Variants in SLC22A3 observed in about 807,000 individuals in gnomAD.
SLC22A3 encodes the protein EMT organic cation transporter 3.
Under a neutral mutation model 59.1 loss-of-function variants are expected in SLC22A3, and 51 were observed. The observed-to-expected ratio is 0.86, with a 90% confidence interval of 0.69 to 1.09. The LOEUF is 1.09. SLC22A3 is among the 50% of genes least tolerant of loss of function. SLC22A3 has a pLI of 0.00. For synonymous variants in SLC22A3, 325 were observed against 292.0 expected (o/e 1.11, Z -1.15); for missense variants, 711 against 726.3 (o/e 0.98, Z 0.24).
At chr6:160,358,261 G>A (rs771058028) in intron 1 of SLC22A3, among the ~76,000 whole-genome samples, 15 of 152,176 alleles carry the variant, frequency 9.9e-5, no homozygotes, top group Non-Finnish European at 2.1e-4. Context: ...GCCCAGTCCT[G>A]AGATTTCCTG....
In SLC22A3 at chr6:160,349,139, G is replaced by A. The variant is rs1301810094; in HGVS notation, c.429+291G>A. Reference sequence around the variant, plus strand: ...GCCGAGTTGTAAACGCCTGGCGCACGCCTGCTCAGGAGTCAAAGACCCAGC... The same window carrying A: ...GCCGAGTTGTAAACGCCTGGCGCACACCTGCTCAGGAGTCAAAGACCCAGC... On this transcript the variant is annotated intron_variant, in intron 1 of 10. Coordinates refer to ENST00000275300, the MANE Select transcript of SLC22A3 (RefSeq NM_021977.4). 6 of 898,442 alleles carry A rather than the reference G, an allele frequency of 6.7e-6. No homozygotes were observed. In the East Asian group the frequency reaches 5.9e-4, roughly 89 times the overall value. The allele number at this position is 898,442 out of a possible 1,614,324, so 55.7% of individuals were successfully genotyped here.
Position 160,443,760 on chromosome 6 carries a change from A to C in SLC22A3, c.1510+18A>C. On this transcript the variant is annotated intron_variant, in intron 9 of 10. Transcript: ENST00000275300. ...CATCTTTGGTAAGAACTCATTTGCT[A>C]TTCTTAAGAGCCTTCATCTACATTC... The C allele has an allele frequency of 6.7e-7, 1 of 1,484,582 alleles. No individual in the cohort carries two copies. Among genetic ancestry groups the C allele is most frequent in the Non-Finnish European group, 9.3e-7 (1 of 1,072,850 alleles). The allele number at this position is 1,484,582 out of a possible 1,614,324, so 92.0% of individuals were successfully genotyped here.
At position 160,447,732 on chromosome 6, in the gene SLC22A3, C is replaced by T. The variant is rs762127409; in HGVS notation, c.1524C>T (p.Ser508=). ...CCTATTCCATAGGTATCCTGGCATC[C>T]ATCTGTGGTGGCCTTGTGATGCTTT... ...LPLIIFGILA[S]ICGGLVMLLP... Residue 508 remains serine, a synonymous_variant, in exon 10 of 11, where the codon TCC becomes TCT. Transcript: ENST00000275300. 2 of 1,613,946 alleles carry T rather than the reference C, an allele frequency of 1.2e-6. No individual in the cohort carries two copies. Among genetic ancestry groups the T allele is most frequent in the Admixed American group, 3.3e-5 (2 of 60,016 alleles).
intron 1 of SLC22A3, among the ~76,000 whole-genome samples, chr6:160,369,847 C>T (rs1413440883): frequency 2.0e-5 from 3 of 152,114 alleles, no homozygotes; most frequent in Non-Finnish European, 4.4e-5. Context: ...TCATGAATGC[C>T]GAACAGGCAC....
At chr6:160,447,965 A>G (rs1788809308) in intron 10 of SLC22A3, 147 bp downstream of exon 10, 1 of 717,000 alleles carries the variant, frequency 1.4e-6, no homozygotes, top group Non-Finnish European at 2.4e-6. Flanking sequence ...TTCAAAGTAG[A>G]TACAAAAGGT....
At chr6:160,428,041 T>C (rs1788025938) in intron 5 of SLC22A3, among the ~76,000 whole-genome samples, 1 of 152,182 alleles carries the variant, frequency 6.6e-6, no homozygotes, top group African/African-American at 2.4e-5. Context: ...TCTCTTCTTT[T>C]TTCCTTTCTC....
intron 5 of SLC22A3, among the ~76,000 whole-genome samples, chr6:160,411,887 T>C (rs1451364365): frequency 6.6e-6 from 1 of 152,198 alleles, no homozygotes; most frequent in East Asian, 1.9e-4. Flanking sequence ...AATATGATGA[T>C]GTTTTAGCTC....
chr6:160,411,768 G>A (rs1455155851), intron 5 of SLC22A3, among the ~76,000 whole-genome samples: 1 of 152,020 alleles, frequency 6.6e-6, no homozygotes, highest in Non-Finnish European at 1.5e-5. Context: ...AAAATGAAAT[G>A]GGACAAAAAT....
intron 1 of SLC22A3, among the ~76,000 whole-genome samples, chr6:160,386,728 C>T (rs1322887312): frequency 1.3e-5 from 2 of 152,216 alleles, no homozygotes; most frequent in Non-Finnish European, 2.9e-5. Flanking sequence ...GGCACCTGCT[C>T]TCCAAGAAGG....
intron 5 of SLC22A3, among the ~76,000 whole-genome samples, chr6:160,425,561 ATAGGTCTTTATTTAAC>A (rs1787918846): frequency 6.6e-6 from 1 of 152,112 alleles, no homozygotes; most frequent in South Asian, 2.1e-4. Context: ...CCTCCCAATA[ATAGGTCTTTATTTAAC>A]TATACTTATT....
intron 10 of SLC22A3, among the ~76,000 whole-genome samples, chr6:160,449,285 G>A (rs1241614552): frequency 6.6e-6 from 1 of 152,026 alleles, no homozygotes; most frequent in Admixed American, 6.6e-5. Context: ...GGTGTGCAAG[G>A]AAAATCAATA....
intron 5 of SLC22A3, chr6:160,426,005 G>T (rs552787576): frequency 1.0e-6 from 1 of 985,370 alleles, no homozygotes; most frequent in South Asian, 4.7e-5. Flanking sequence ...GCCTTAAGCC[G>T]CACAAAGGAC....
chr6:160,409,830 A>C (rs1233532385), intron 4 of SLC22A3, among the ~76,000 whole-genome samples: 1 of 152,218 alleles, frequency 6.6e-6, no homozygotes, highest in Non-Finnish European at 1.5e-5. Flanking sequence ...AGCTTCATGA[A>C]AACTATAAAG....
chr6:160,357,087 G>A (rs958444848), intron 1 of SLC22A3, among the ~76,000 whole-genome samples: 1 of 152,214 alleles, frequency 6.6e-6, no homozygotes, highest in African/African-American at 2.4e-5. Context: ...AGTCCAAGGA[G>A]GGGAGCTGTC....
rs1376311820 is a variant in SLC22A3 at position 160,348,840 on chromosome 6, G to A, written c.421G>A (p.Val141Ile). ...WRYAQAHSTI[V>I]SEFDLVCVNA... ...CTACGCCCAGGCCCACTCCACCATC[G>A]TCAGCGAGGTAAGGGCGCCCCGGCC... Residue 141 changes from valine (V) to isoleucine (I), a missense_variant, in exon 1 of 11, where the codon GTC (valine) becomes ATC (isoleucine). By Grantham distance (29) the Val-to-Ile change is conservative. Transcript: ENST00000275300. 1.3e-6 allele frequency: 2 copies of A among 1,584,274 alleles called. No homozygotes were observed. The highest frequency in any genetic ancestry group is 1.1e-5 in the South Asian group (1 of 88,276).
intron 5 of SLC22A3, among the ~76,000 whole-genome samples, chr6:160,432,739 A>C (rs1788199431): frequency 1.3e-5 from 2 of 152,216 alleles, no homozygotes; most frequent in Admixed American, 6.5e-5. Context: ...GAAAAGAAGA[A>C]AGTAATTAAT....
intron 4 of SLC22A3, among the ~76,000 whole-genome samples, chr6:160,409,756 A>G (rs1167790507): frequency 6.6e-6 from 1 of 152,214 alleles, no homozygotes; most frequent in Non-Finnish European, 1.5e-5. Context: ...AAAATGAATT[A>G]ATAAAATACC....
At chr6:160,425,935 G>C in intron 5 of SLC22A3, 1 of 985,430 alleles carries the variant, frequency 1.0e-6, no homozygotes, top group Non-Finnish European at 1.2e-6. Flanking sequence ...TCCAGAGATG[G>C]CGTGTGCTAC....
At chr6:160,398,399 G>C (rs1786613483) in intron 2 of SLC22A3, among the ~76,000 whole-genome samples, 1 of 152,152 alleles carries the variant, frequency 6.6e-6, no homozygotes, top group Admixed American at 6.6e-5. Context: ...GAATACTACA[G>C]AATCAATCAA....
Sources: gnomAD v4.1 joint callset for allele counts (sites outside exome capture counted in the v4.1 genomes callset) on GRCh38, gnomAD v4.1.1 for gene constraint, MANE v1.5 for transcripts, NCBI Gene and HGNC (gene_info 2026-07-23, HGNC 2026-07-21) for gene names.